The following FAM53B variants were observed in gnomAD, a reference collection of about 807,000 sequenced individuals.
FAM53B encodes protein FAM53B.
A neutral mutation model predicts 32.7 loss-of-function variants in FAM53B; 12 were observed. That is an observed-to-expected ratio of 0.37 (90% CI 0.24 to 0.59). The LOEUF is 0.59. FAM53B is among the 20% of genes least tolerant of loss of function. The probability of loss-of-function intolerance (pLI) is 0.72; values close to 1 mark genes in which losing one functional copy is unlikely to be tolerated. For missense variants in FAM53B, 477 were observed against 577.7 expected, an observed-to-expected ratio of 0.83 and a Z score of 1.79; for synonymous variants, 234 against 228.7, an observed-to-expected ratio of 1.02 and a Z score of -0.21.
At chr10:124,642,204 T>C (rs574942483) in intron 4 of FAM53B, among the ~76,000 whole-genome samples, 13 of 152,300 alleles carry the variant, frequency 8.5e-5, no homozygotes, top group Non-Finnish European at 1.2e-4. Context: ...TCAAGAACAG[T>C]AGCCCTCCCT....
chr10:124,627,665 A>T (rs934332994), intron 4 of FAM53B, among the ~76,000 whole-genome samples: 13 of 152,098 alleles, frequency 8.5e-5, no homozygotes, highest in African/African-American at 3.1e-4. Context: ...CAAAAGGCAG[A>T]CCACAGCAGC....
chr10:124,663,022 G>A (rs565509165), intron 4 of FAM53B, among the ~76,000 whole-genome samples: 43 of 152,150 alleles, frequency 2.8e-4, no homozygotes, highest in Non-Finnish European at 6.2e-4. Context: ...AACGAGAAAC[G>A]GTCACTGAGT....
rs557823481 is a variant in FAM53B, at chr10:124,667,324, A to G, written c.906+14283T>C. 1,500 of 700,770 alleles carry G rather than the reference A, an allele frequency of 2.1e-3. 34 individuals carry two copies. In the South Asian group the frequency reaches 0.022, roughly 10 times the overall value. The allele number at this position is 700,770 out of a possible 1,614,324, so 43.4% of individuals were successfully genotyped here. A position where few individuals can be genotyped will look rare whatever the true frequency, so the allele number is the denominator to read the frequency against. On this transcript the variant is annotated intron_variant, in intron 4 of 4. Transcript: ENST00000337318. ...CTGGCTACTAGGAATTTTAAATTAT[A>G]TATGTGGCTTGAGTTCTGGTTTCAC...
chr10:124,666,159 A>G (rs1949670930), intron 4 of FAM53B, among the ~76,000 whole-genome samples: 1 of 152,248 alleles, frequency 6.6e-6, no homozygotes, highest in Non-Finnish European at 1.5e-5. Flanking sequence ...TCCCAGGCTG[A>G]TAAGCTAGAT....
intron 4 of FAM53B, among the ~76,000 whole-genome samples, chr10:124,633,156 A>G (rs1291312710): frequency 6.6e-6 from 1 of 152,058 alleles, no homozygotes; most frequent in Admixed American, 6.5e-5. Flanking sequence ...CTTGCTAACA[A>G]CAATCTGCTT....
chr10:124,703,976 C>G (rs1015021570), intron 2 of FAM53B: 7 of 152,408 alleles, frequency 4.6e-5, no homozygotes, highest in Non-Finnish European at 1.0e-4. Flanking sequence ...GGAAGAGCAG[C>G]TCAGCTGACC....
intron 1 of FAM53B, among the ~76,000 whole-genome samples, chr10:124,715,559 GC>G (rs1033711860): frequency 1.3e-5 from 2 of 152,124 alleles, no homozygotes; most frequent in South Asian, 2.1e-4. Flanking sequence ...TTTGTGGGGA[GC>G]CCCCCCTCCA....
chr10:124,653,567 CAA>C (rs1446197888), intron 4 of FAM53B, among the ~76,000 whole-genome samples: 2 of 152,332 alleles, frequency 1.3e-5, no homozygotes, highest in African/African-American at 4.8e-5. Flanking sequence ...ATCTGTAGGG[CAA>C]AGAGGCCCAG....
intron 4 of FAM53B, among the ~76,000 whole-genome samples, chr10:124,626,330 T>G (rs553812987): frequency 1.3e-5 from 2 of 150,596 alleles, no homozygotes; most frequent in African/African-American, 4.9e-5. Context: ...GCCTAACTTA[T>G]GGCCACCATG....
intron 4 of FAM53B, among the ~76,000 whole-genome samples, chr10:124,644,265 G>C (rs945268821): frequency 1.3e-5 from 2 of 152,204 alleles, no homozygotes; most frequent in African/African-American, 4.8e-5. Context: ...AGCTGGGCTA[G>C]CACAGTCATG....
intron 4 of FAM53B, among the ~76,000 whole-genome samples, chr10:124,665,003 TGGTAAG>T (rs1949660083): frequency 6.6e-6 from 1 of 152,188 alleles, no homozygotes; most frequent in Non-Finnish European, 1.5e-5. Flanking sequence ...TTTCCCCTCC[TGGTAAG>T]GTAGAGGGAG....
rs1047346605 is a variant in FAM53B, at chr10:124,622,889, A to C, written c.*353T>G. The C allele has an allele frequency of 7.1e-5, 13 of 182,048 alleles. No individual in the cohort carries two copies. Among genetic ancestry groups the C allele is most frequent in the East Asian group, 3.4e-4 (2 of 5,892 alleles). The allele number at this position is 182,048 out of a possible 1,614,324, so 11.3% of individuals were successfully genotyped here. ...CCTGACAGCCCCCACCACCAGGGGG[A>C]TACAGAGCGGTGCCCAGCTCTGCCG... On this transcript the variant is annotated 3_prime_UTR_variant, in exon 5 of 5. Coordinates refer to ENST00000337318, the MANE Select transcript of FAM53B (RefSeq NM_014661.4).
At chr10:124,739,996 G>A (rs535345136) in intron 1 of FAM53B, among the ~76,000 whole-genome samples, 2 of 152,182 alleles carry the variant, frequency 1.3e-5, no homozygotes, top group South Asian at 2.1e-4. Flanking sequence ...ACCCAAGGAC[G>A]TCTCTATTTT....
rs183791320 is a variant in FAM53B, at chr10:124,676,640, G to C, written c.906+4967C>G. Among the ~76,000 whole-genome samples, 4 of 152,220 alleles carry C rather than the reference G, an allele frequency of 2.6e-5. No individual in the cohort carries two copies. The East Asian group carries it at 7.7e-4, about 29-fold the overall frequency. ...GGCTGGGGGGGCTTCACCTGGGGAG[G>C]ACCTGTCCAGCAAAGAGCTGCGAGT... is the stretch of plus-strand genomic sequence containing the variant. On this transcript the variant is annotated intron_variant, in intron 4 of 4. Transcript: ENST00000337318.
At chr10:124,673,814 C>T (rs1949721187) in intron 4 of FAM53B, among the ~76,000 whole-genome samples, 1 of 152,210 alleles carries the variant, frequency 6.6e-6, no homozygotes, top group Admixed American at 6.5e-5. Flanking sequence ...CTGCCCCAGA[C>T]CTGCTAATTC....
intron 2 of FAM53B, among the ~76,000 whole-genome samples, chr10:124,701,081 GT>G (rs1469719559): frequency 2.0e-5 from 3 of 152,224 alleles, no homozygotes. Flanking sequence ...AGGCCCCTTG[GT>G]ATCTCTGCCT....
intron 4 of FAM53B, among the ~76,000 whole-genome samples, chr10:124,677,157 C>T (rs1024542198): frequency 1.3e-5 from 2 of 152,222 alleles, no homozygotes; most frequent in African/African-American, 4.8e-5. Flanking sequence ...GAAATCTTTG[C>T]TCACACACAC....
chr10:124,724,186 G>A (rs1337418375), intron 1 of FAM53B, among the ~76,000 whole-genome samples: 5 of 152,222 alleles, frequency 3.3e-5, no homozygotes, highest in South Asian at 2.1e-4. Context: ...TAGAGGAAGC[G>A]GCATGAGTGT....
At chr10:124,636,100 G>C (rs764621714) in intron 4 of FAM53B, among the ~76,000 whole-genome samples, 2 of 152,072 alleles carry the variant, frequency 1.3e-5, no homozygotes, top group East Asian at 1.9e-4. Context: ...GTCTATCTCT[G>C]TGTGTGTGTA....
Sources: gnomAD v4.1 joint callset for allele counts (sites outside exome capture counted in the v4.1 genomes callset) on GRCh38, gnomAD v4.1.1 for gene constraint, MANE v1.5 for transcripts, NCBI Gene and HGNC (gene_info 2026-07-23, HGNC 2026-07-21) for gene names.